Variants in PTPRD observed in about 807,000 individuals in gnomAD.
The protein encoded by PTPRD is protein tyrosine phosphatase receptor type D, also known as receptor-type tyrosine-protein phosphatase delta.
Under a neutral mutation model 214.5 loss-of-function variants are expected in PTPRD, and 34 were observed. That is an observed-to-expected ratio of 0.16 (90% CI 0.12 to 0.21). The LOEUF (loss-of-function observed/expected upper bound fraction) is 0.21, where lower values mean the gene tolerates loss of function less well. PTPRD is among the 10% of genes least tolerant of loss of function. The pLI, the probability that PTPRD is intolerant of heterozygous loss-of-function variation, is 1.00. For missense variants in PTPRD, 2,545 were observed against 2,398.7 expected, an observed-to-expected ratio of 1.06 and a Z score of -1.27; for synonymous variants, 1,128 against 845.7, an observed-to-expected ratio of 1.33 and a Z score of -5.79.
intron 3 of PTPRD, among the ~76,000 whole-genome samples, chr9:10,250,013 CT>C (rs1225287877): frequency 6.8e-6 from 1 of 148,128 alleles, no homozygotes; most frequent in Non-Finnish European, 1.5e-5. Flanking sequence ...ACACCTAAAT[CT>C]GTCATAAATT....
At chr9:8,715,496 G>C (rs4740958) in intron 12 of PTPRD, among the ~76,000 whole-genome samples, 1 of 152,102 alleles carries the variant, frequency 6.6e-6, no homozygotes, top group Non-Finnish European at 1.5e-5. Context: ...GCTCAGAGAG[G>C]TTAACAAACT....
intron 14 of PTPRD, among the ~76,000 whole-genome samples, chr9:8,546,485 T>C (rs1245716264): frequency 6.6e-6 from 1 of 152,088 alleles, no homozygotes; most frequent in African/African-American, 2.4e-5. Flanking sequence ...ATTATGGTTT[T>C]TCTTTCTTTT....
In PTPRD at chr9:8,694,548, C is replaced by A. The variant is rs144308165; in HGVS notation, c.64+39232G>T. Reference sequence around the variant, plus strand: ...TTTAGGTAGGATCTAAACATGCTCACCAGCAGAAGATAAAAATGACAAACA... The same window carrying A: ...TTTAGGTAGGATCTAAACATGCTCAACAGCAGAAGATAAAAATGACAAACA... On this transcript the variant is annotated intron_variant, in intron 12 of 45. Coordinates refer to ENST00000381196, the MANE Select transcript of PTPRD (RefSeq NM_002839.4). Among the ~76,000 whole-genome samples, 102 of 152,138 alleles carry A rather than the reference C, an allele frequency of 6.7e-4. 2 individuals are homozygous for A. The East Asian group carries it at 0.017, about 26-fold the overall frequency.
chr9:9,427,845 T>C (rs1443961612), intron 8 of PTPRD, among the ~76,000 whole-genome samples: 1 of 152,166 alleles, frequency 6.6e-6, no homozygotes, highest in African/African-American at 2.4e-5. Flanking sequence ...TAAAATCCTT[T>C]ACAGACAAAC....
intron 9 of PTPRD, among the ~76,000 whole-genome samples, chr9:9,284,535 G>T (rs1489865670): frequency 1.3e-5 from 2 of 151,670 alleles, no homozygotes; most frequent in African/African-American, 4.8e-5. Context: ...AATGTCTCAG[G>T]TCCATTCCAT....
intron 7 of PTPRD, among the ~76,000 whole-genome samples, chr9:9,661,176 C>T (rs1213947263): frequency 6.6e-6 from 1 of 151,822 alleles, no homozygotes; most frequent in East Asian, 1.9e-4. Context: ...TGCAAATTTT[C>T]TATAAATATT....
chr9:8,314,553 G>A lies in PTPRD; in HGVS notation c.*3321C>T, dbSNP rs902363859. 1.7e-5 allele frequency: 4 copies of A among 232,008 alleles called. No homozygotes were observed. The highest frequency in any genetic ancestry group is 2.6e-5 in the Non-Finnish European group (3 of 117,154). 14.4% of individuals were successfully genotyped at this position (232,008 alleles called of 1,614,324 possible). On this transcript the variant is annotated 3_prime_UTR_variant, in exon 46 of 46. Transcript: ENST00000381196. ...AGCTGGGATGGCAAAGCCACATAAC[G>A]GATGGATAGAATGGATCTGTAGCCT...
intron 9 of PTPRD, among the ~76,000 whole-genome samples, chr9:9,337,305 G>T (rs1019302299): frequency 3.9e-5 from 6 of 152,130 alleles, no homozygotes; most frequent in African/African-American, 1.2e-4. Context: ...GGGAAAATCT[G>T]AGAGGCAGGT....
intron 7 of PTPRD, among the ~76,000 whole-genome samples, chr9:9,691,833 G>A (rs1282621072): frequency 1.3e-5 from 2 of 151,964 alleles, no homozygotes; most frequent in Admixed American, 1.3e-4. Context: ...GAGGTGAATG[G>A]ATATCTCATT....
chr9:9,177,310 C>G (rs2099925499), intron 10 of PTPRD, among the ~76,000 whole-genome samples: 1 of 152,054 alleles, frequency 6.6e-6, no homozygotes, highest in Admixed American at 6.6e-5. Flanking sequence ...CACCTGGCCT[C>G]TCCCTTGACA....
At chr9:10,232,347 A>C (rs566129027) in intron 3 of PTPRD, among the ~76,000 whole-genome samples, 1 of 152,088 alleles carries the variant, frequency 6.6e-6, no homozygotes, top group East Asian at 1.9e-4. Context: ...CTAAAACATT[A>C]GTAAAAAAAG....
chr9:9,646,963 A>G lies in PTPRD; in HGVS notation c.-286-72182T>C, dbSNP rs2096204447. Among the ~76,000 whole-genome samples the G allele has an allele frequency of 2.0e-5, 3 of 152,150 alleles. 1 individual carries two copies. The South Asian group carries it at 6.2e-4, about 32-fold the overall frequency. ...AACTGTGGATAAGCTGGGGAGGTGC[A>G]GGGGGCTCATATAGAGTATATACTG... On this transcript the variant is annotated intron_variant, in intron 7 of 45. Transcript: ENST00000381196.
intron 9 of PTPRD, among the ~76,000 whole-genome samples, chr9:9,289,944 C>A (rs1950615977): frequency 6.6e-6 from 1 of 151,708 alleles, no homozygotes; most frequent in African/African-American, 2.4e-5. Flanking sequence ...ATTTCAAGAA[C>A]CTGACTTCAC....
At chr9:8,400,877 T>G (rs10977047) in intron 36 of PTPRD, among the ~76,000 whole-genome samples, 1 of 152,166 alleles carries the variant, frequency 6.6e-6, no homozygotes, top group East Asian at 1.9e-4. Flanking sequence ...GGAAACTACA[T>G]AGAGATAACT....
chr9:9,420,507 G>A (rs1326152817), intron 8 of PTPRD, among the ~76,000 whole-genome samples: 2 of 151,718 alleles, frequency 1.3e-5, no homozygotes, highest in Admixed American at 6.6e-5. Context: ...CACTGTAATC[G>A]GGGAATACAA....
chr9:10,082,802 C>G (rs890860793), intron 3 of PTPRD, among the ~76,000 whole-genome samples: 5 of 145,130 alleles, frequency 3.4e-5, no homozygotes, highest in African/African-American at 1.3e-4. Context: ...CCCCTTTCTT[C>G]TACTCCTCCT....
At chr9:10,294,536 T>TA (rs1196084650) in intron 3 of PTPRD, among the ~76,000 whole-genome samples, 2 of 151,970 alleles carry the variant, frequency 1.3e-5, no homozygotes, top group Non-Finnish European at 2.9e-5. Context: ...GTCAAACTCC[T>TA]AAAAAATGAC....
rs892137118 is a variant in PTPRD, at chr9:8,601,563, G to A, written c.352+31754C>T. On this transcript the variant is annotated intron_variant, in intron 14 of 45. Transcript: ENST00000381196. The stretch of plus-strand genomic sequence containing the variant: ...ACAGAGACAGACTCCATTTGTTTGG[G>A]AGAAAGTAAGGCAAGAGAACAACAG... 3.3e-5 allele frequency among the ~76,000 whole-genome samples: 5 copies of A among 152,162 alleles called. No homozygotes were observed. The South Asian group carries it at 1.0e-3, about 31-fold the overall frequency.
intron 7 of PTPRD, among the ~76,000 whole-genome samples, chr9:9,698,409 T>G (rs2097423830): frequency 6.6e-6 from 1 of 152,162 alleles, no homozygotes; most frequent in Non-Finnish European, 1.5e-5. Context: ...TGAAATTCAG[T>G]GTGTTGCCTG....
Sources: gnomAD v4.1 joint callset for allele counts (sites outside exome capture counted in the v4.1 genomes callset) on GRCh38, gnomAD v4.1.1 for gene constraint, MANE v1.5 for transcripts, NCBI Gene and HGNC (gene_info 2026-07-23, HGNC 2026-07-21) for gene names.